Variants in DPY19L2 observed in about 807,000 individuals in gnomAD.
DPY19L2 encodes the protein probable C-mannosyltransferase DPY19L2.
In DPY19L2, 34 loss-of-function variants were observed where a neutral mutation model predicts 97.9. The observed-to-expected ratio is 0.35, with a 90% confidence interval of 0.26 to 0.46. DPY19L2 has a LOEUF of 0.46. DPY19L2 is among the 20% of genes least tolerant of loss of function. The pLI, the probability that DPY19L2 is intolerant of heterozygous loss-of-function variation, is 1.00. For missense variants in DPY19L2, 623 were observed against 911.4 expected, an observed-to-expected ratio of 0.68 and a Z score of 4.07; for synonymous variants, 230 against 307.9, an observed-to-expected ratio of 0.75 and a Z score of 2.65.
chr12:63,633,904 T>A (rs996170911), intron 6 of DPY19L2, among the ~76,000 whole-genome samples: 1 of 152,238 alleles, frequency 6.6e-6, no homozygotes, highest in East Asian at 1.9e-4. Context: ...TGAGTTCACA[T>A]CCTTTGTAGG....
chr12:63,656,579 G>C (rs1047355171), intron 4 of DPY19L2, among the ~76,000 whole-genome samples: 2 of 152,076 alleles, frequency 1.3e-5, no homozygotes, highest in Admixed American at 1.3e-4. Context: ...TGGATCTGTG[G>C]TTTGGTATCT....
At chr12:63,639,823 C>T (rs1892391770) in intron 6 of DPY19L2, among the ~76,000 whole-genome samples, 1 of 152,142 alleles carries the variant, frequency 6.6e-6, no homozygotes, top group Non-Finnish European at 1.5e-5. Flanking sequence ...ACTAGAAATA[C>T]CATTTGACCC....
intron 6 of DPY19L2, among the ~76,000 whole-genome samples, chr12:63,633,790 A>G (rs1270491): frequency 6.6e-6 from 1 of 152,202 alleles, no homozygotes; most frequent in South Asian, 2.1e-4. Flanking sequence ...CACTATTCAC[A>G]ATAGCAAAGA....
At chr12:63,630,406 G>A (rs1358790893) in intron 6 of DPY19L2, among the ~76,000 whole-genome samples, 1 of 151,770 alleles carries the variant, frequency 6.6e-6, no homozygotes, top group Admixed American at 6.6e-5. Context: ...AAAAAGGCAG[G>A]GGTTGCAATC....
rs151194464 is a variant in DPY19L2, at chr12:63,661,361, A to G, written c.571T>C (p.Phe191Leu). Residue 191 changes from phenylalanine to leucine, a missense_variant, in exon 4 of 22, where the codon TTC becomes CTC. Transcript: ENST00000324472. ...TGACTCACCTCTGGATAAAGATGGA[A>G]GCGTTTTATTGCATTAATTATAAGA... is the stretch of plus-strand genomic sequence containing the variant. ...YPLIINAIKR[F>L]HLYPEVIIAS... 1 of 1,583,354 alleles carries G rather than the reference A, an allele frequency of 6.3e-7. No homozygotes were observed. The highest frequency in any genetic ancestry group is 8.5e-7 in the Non-Finnish European group (1 of 1,171,474).
At chr12:63,656,923 T>A (rs1006575378) in intron 4 of DPY19L2, among the ~76,000 whole-genome samples, 5 of 152,312 alleles carry the variant, frequency 3.3e-5, no homozygotes, top group Middle Eastern at 3.4e-3. Context: ...ATCTTGCATA[T>A]CATCTGTCTT....
intron 16 of DPY19L2, among the ~76,000 whole-genome samples, chr12:63,588,088 G>C (rs1471942783): frequency 6.6e-6 from 1 of 151,962 alleles, no homozygotes; most frequent in Non-Finnish European, 1.5e-5. Context: ...TTTAGACACA[G>C]AAAAACAACA....
chr12:63,593,212 C>G (rs142898254), intron 16 of DPY19L2, among the ~76,000 whole-genome samples: 3,472 of 152,226 alleles, frequency 0.023, 68 homozygotes, highest in Middle Eastern at 0.065. Context: ...CTAGTTCAAC[C>G]CTTGTGGAAG....
intron 16 of DPY19L2, among the ~76,000 whole-genome samples, chr12:63,586,451 A>C (rs2137404939): frequency 6.6e-6 from 1 of 152,316 alleles, no homozygotes; most frequent in Non-Finnish European, 1.5e-5. Context: ...AAATTTCAGC[A>C]TAACCTGGAA....
chr12:63,600,921 G>A (rs896491970), intron 12 of DPY19L2, among the ~76,000 whole-genome samples: 5 of 151,862 alleles, frequency 3.3e-5, no homozygotes, highest in African/African-American at 9.7e-5. Flanking sequence ...GAGTAGCTGG[G>A]ACCACAGGCA....
intron 16 of DPY19L2, among the ~76,000 whole-genome samples, chr12:63,588,372 A>T (rs1191760992): frequency 6.6e-6 from 1 of 152,202 alleles, no homozygotes; most frequent in African/African-American, 2.4e-5. Flanking sequence ...CCTGGATGAC[A>T]GCACATCTGT....
intron 1 of DPY19L2, among the ~76,000 whole-genome samples, chr12:63,667,846 C>A (rs1896508854): frequency 6.6e-6 from 1 of 152,138 alleles, no homozygotes; most frequent in East Asian, 1.9e-4. Context: ...ACACTCTCTG[C>A]GATCTGACAG....
intron 21 of DPY19L2, among the ~76,000 whole-genome samples, chr12:63,565,935 T>G (rs532414366): frequency 6.6e-6 from 1 of 151,922 alleles, no homozygotes; most frequent in Non-Finnish European, 1.5e-5. Context: ...TTATAAAACA[T>G]AGTCATTTCT....
chr12:63,564,951 T>C (rs182448233), intron 21 of DPY19L2, among the ~76,000 whole-genome samples: 22 of 152,330 alleles, frequency 1.4e-4, no homozygotes, highest in Admixed American at 1.2e-3. Flanking sequence ...TCTTGAAATA[T>C]AGATCCCTTC....
rs772801195 is a variant in DPY19L2 at position 63,600,329 on chromosome 12, T to G, written c.1336A>C (p.Lys446Gln). Residue 446 changes from lysine (K) to glutamine (Q), a missense_variant, in exon 13 of 22, where the codon AAA (lysine) becomes CAA (glutamine). By Grantham distance (53) the Lys-to-Gln change is moderately conservative (BLOSUM62 1). Coordinates refer to ENST00000324472, the MANE Select transcript of DPY19L2 (RefSeq NM_173812.5). ...ACGTGGTCTGAAACGCCTAAGATTT[T>G]AGATGTCAGAAATTTCAAAATGATT... ...GTIILKFLTS[K>Q]ILGVSDHIRL... is the part of the protein sequence containing the mutation. 8 of 1,608,872 alleles carry G rather than the reference T, an allele frequency of 5.0e-6. No homozygotes were observed. The East Asian group carries it at 1.6e-4, about 31-fold the overall frequency.
intron 16 of DPY19L2, among the ~76,000 whole-genome samples, chr12:63,587,498 A>G (rs556895426): frequency 1.3e-5 from 2 of 151,232 alleles, no homozygotes; most frequent in Non-Finnish European, 3.0e-5. Context: ...CTCAATAGAT[A>G]GCAAGTTAAT....
At chr12:63,643,183 T>C (rs558910505) in intron 6 of DPY19L2, among the ~76,000 whole-genome samples, 14 of 152,196 alleles carry the variant, frequency 9.2e-5, no homozygotes, top group Non-Finnish European at 1.9e-4. Flanking sequence ...TCTAGATACA[T>C]GATGTAATCT....
chr12:63,599,598 T>C (rs1215820673), intron 13 of DPY19L2, among the ~76,000 whole-genome samples: 2 of 152,174 alleles, frequency 1.3e-5, no homozygotes, highest in African/African-American at 4.8e-5. Flanking sequence ...TTAAATGAGG[T>C]AAATTTCAAA....
At chr12:63,650,446 G>A (rs1894045785) in intron 4 of DPY19L2, among the ~76,000 whole-genome samples, 1 of 152,186 alleles carries the variant, frequency 6.6e-6, no homozygotes, top group East Asian at 1.9e-4. Flanking sequence ...AAAGCTCCTA[G>A]ATATGTCTTT....
Sources: gnomAD v4.1 joint callset for allele counts (sites outside exome capture counted in the v4.1 genomes callset) on GRCh38, gnomAD v4.1.1 for gene constraint, MANE v1.5 for transcripts, NCBI Gene and HGNC (gene_info 2026-07-23, HGNC 2026-07-21) for gene names.